Variants in C2orf49 observed in about 807,000 individuals in gnomAD.
C2orf49 encodes the protein tRNA-splicing ligase complex subunit ASW.
C2orf49 carries 11 observed loss-of-function variants against 20.6 expected under a neutral mutation model. The observed-to-expected ratio is 0.53, with a 90% CI of 0.34 to 0.88. C2orf49 has a LOEUF of 0.88. C2orf49 is among the 40% of genes least tolerant of loss of function. The pLI is 0.02. For missense variants in C2orf49, 289 were observed against 274.2 expected, an observed-to-expected ratio of 1.05 and a Z score of -0.38; for synonymous variants, 134 against 108.5, an observed-to-expected ratio of 1.24 and a Z score of -1.46.
At chr2:105,338,384 A>C (rs1679565008) in intron 1 of C2orf49, among the ~76,000 whole-genome samples, 1 of 152,130 alleles carries the variant, frequency 6.6e-6, no homozygotes, top group African/African-American at 2.4e-5. Flanking sequence ...TCCTCTTGCC[A>C]CGTAGAGCTT....
rs1026885803 is a variant in C2orf49, at chr2:105,347,153, T to C, written c.*1782T>C. 7 of 152,236 alleles carry C rather than the reference T, an allele frequency of 4.6e-5. No homozygotes were observed. The highest frequency in any genetic ancestry group is 1.7e-4 in the African/African-American group (7 of 41,464). The allele number at this position is 152,236 out of a possible 1,614,324, so 9.4% of individuals were successfully genotyped here. A position where few individuals can be genotyped will look rare whatever the true frequency, so the allele number is the denominator to read the frequency against. ...CTGCCTTTATTCCAAACTGTAAATC[T>C]GTACACATAAGATAAAACATACTAA... On this transcript the variant is annotated 3_prime_UTR_variant, in exon 4 of 4. Transcript: ENST00000258457.
At position 105,343,046 on chromosome 2, in the gene C2orf49, T is replaced by A. The variant is rs751436504; in HGVS notation, c.465T>A (p.Ser155=). The part of the protein sequence containing the change: ...SSSSVSPLIL[S]SNLPVNNKTE... ...CGAGTGTTTCACCCCTAATTTTGTC[T>A]TCCAATTTGCCTGTGAACAATAAAA... Residue 155 remains serine (S), a synonymous_variant, in exon 3 of 4, where the codon TCT becomes TCA. Coordinates refer to ENST00000258457, the MANE Select transcript of C2orf49 (RefSeq NM_024093.3). 5 of 1,614,238 alleles carry A rather than the reference T, an allele frequency of 3.1e-6. No individual in the cohort carries two copies. Among genetic ancestry groups the A allele is most frequent in the Non-Finnish European group, 4.2e-6 (5 of 1,180,042 alleles).
chr2:105,372,460 C>T, the C2orf49 span, among the ~76,000 whole-genome samples: 67 of 152,256 alleles, frequency 4.4e-4, no homozygotes, highest in Admixed American at 1.4e-3. Context: ...CTCCTGACCT[C>T]GTGATCCGCC....
the C2orf49 span, among the ~76,000 whole-genome samples, chr2:105,368,335 T>C: frequency 2.0e-5 from 3 of 151,384 alleles, no homozygotes; most frequent in African/African-American, 7.3e-5. Flanking sequence ...CTACATGTAG[T>C]TTTTTTTTGT....
the C2orf49 span, chr2:105,378,514 C>T: frequency 5.3e-6 from 1 of 187,496 alleles, no homozygotes; most frequent in Non-Finnish European, 1.1e-5. Context: ...GAAAGTGCTC[C>T]CCATCCCATT....
At chr2:105,352,635 G>A (rs34901603), downstream of C2orf49, among the ~76,000 whole-genome samples, 16,900 of 151,510 alleles carry the variant, frequency 0.11, 1,264 homozygotes, top group Non-Finnish European at 0.15. Context: ...TAGTAGAGAC[G>A]GGGTTTCACC....
At chr2:105,358,958 G>A in the C2orf49 span, 139 of 152,292 alleles carry the variant, frequency 9.1e-4, 1 homozygote, top group African/African-American at 3.1e-3. Flanking sequence ...CAGTAAGACT[G>A]CAGGTTTCCT....
the C2orf49 span, chr2:105,360,916 C>A: frequency 5.9e-6 from 1 of 168,814 alleles, no homozygotes; most frequent in South Asian, 1.8e-4. Flanking sequence ...AACAACTGGT[C>A]ATTACCTTAT....
the C2orf49 span, chr2:105,375,239 T>A: frequency 2.6e-5 from 4 of 152,226 alleles, no homozygotes; most frequent in African/African-American, 9.6e-5. Flanking sequence ...TTTAGTGATC[T>A]CTTTGCGCAT....
the C2orf49 span, among the ~76,000 whole-genome samples, chr2:105,369,533 G>A: frequency 2.6e-5 from 4 of 152,138 alleles, no homozygotes; most frequent in African/African-American, 9.7e-5. Flanking sequence ...AATTTGGGAT[G>A]GTGACACGCA....
At position 105,346,405 on chromosome 2, in the gene C2orf49, C is replaced by G. The variant is rs1223360106; in HGVS notation, c.*1034C>G. The G allele has an allele frequency of 1.3e-5, 2 of 152,122 alleles. No individual in the cohort carries two copies. The highest frequency in any genetic ancestry group is 3.8e-4 in the East Asian group (2 of 5,200). 9.4% of individuals were successfully genotyped at this position (152,122 alleles called of 1,614,324 possible). A position where few individuals can be genotyped will look rare whatever the true frequency, so the allele number is the denominator to read the frequency against. On this transcript the variant is annotated 3_prime_UTR_variant, in exon 4 of 4. Coordinates refer to ENST00000258457, the MANE Select transcript of C2orf49 (RefSeq NM_024093.3). ...AGAATGTTCTTGTCATGTAGCAGTC[C>G]TACGTACTCTTTTCATGAGCAGTCT... is the stretch of plus-strand genomic sequence containing the variant.
At chr2:105,378,334 T>C in the C2orf49 span, 1 of 383,416 alleles carries the variant, frequency 2.6e-6, no homozygotes, top group African/African-American at 2.1e-5. Flanking sequence ...GGAGACCTTC[T>C]GCAGGCGCAG....
At chr2:105,349,835 A>G (rs181451848), downstream of C2orf49, among the ~76,000 whole-genome samples, 350 of 152,312 alleles carry the variant, frequency 2.3e-3, 3 homozygotes, top group African/African-American at 7.8e-3. Context: ...ATAGCTATGG[A>G]GAGCTTTCAG....
the C2orf49 span, chr2:105,378,521 C>T: frequency 5.4e-6 from 1 of 184,338 alleles, no homozygotes; most frequent in Admixed American, 5.8e-5. Flanking sequence ...CTCCCCATCC[C>T]ATTCGGGTTG....
At chr2:105,377,450 G>A in the C2orf49 span, among the ~76,000 whole-genome samples, 15 of 152,240 alleles carry the variant, frequency 9.9e-5, no homozygotes, top group Non-Finnish European at 1.5e-4. Flanking sequence ...GGCCAACATG[G>A]TTAAACCCCA....
chr2:105,369,445 T>G, the C2orf49 span, among the ~76,000 whole-genome samples: 1 of 152,206 alleles, frequency 6.6e-6, no homozygotes, highest in South Asian at 2.1e-4. Context: ...TTTCTCAGCT[T>G]CCTGTACTTC....
chr2:105,356,673 G>A, the C2orf49 span, among the ~76,000 whole-genome samples: 76 of 152,274 alleles, frequency 5.0e-4, 1 homozygote, highest in Non-Finnish European at 7.5e-4. Context: ...CATCTCATTG[G>A]TTTAGTTTTG....
intron 1 of C2orf49, 21 bp downstream of exon 1, chr2:105,337,707 G>T: frequency 2.5e-6 from 1 of 392,892 alleles, no homozygotes; most frequent in South Asian, 2.0e-5. Context: ...CCGGATCGGA[G>T]GGTGGGCGGG....
chr2:105,345,632 C>G lies in C2orf49; in HGVS notation c.*261C>G, dbSNP rs923839044. 2.3e-6 allele frequency: 1 copy of G among 436,702 alleles called. No individual in the cohort carries two copies. The highest frequency in any genetic ancestry group is 2.1e-5 in the African/African-American group (1 of 48,480). The allele number at this position is 436,702 out of a possible 1,614,324, so 27.1% of individuals were successfully genotyped here. ...CTTAGTATATGTCATTTATATTGAC[C>G]CTACTGAAATTATTAGCTACAAATG... is the stretch of plus-strand genomic sequence containing the variant. On this transcript the variant is annotated 3_prime_UTR_variant, in exon 4 of 4. Transcript: ENST00000258457.
Sources: allele counts gnomAD v4.1 joint callset (sites outside exome capture counted in the v4.1 genomes callset), GRCh38; gene constraint gnomAD v4.1.1; transcripts MANE v1.5; gene names NCBI Gene and HGNC (gene_info 2026-07-23, HGNC 2026-07-21).